INPPL1: variants seen among roughly 807,000 people sequenced by gnomAD.
The protein encoded by INPPL1 is phosphatidylinositol 3,4,5-trisphosphate 5-phosphatase 2.
A neutral mutation model predicts 139.3 loss-of-function variants in INPPL1; 91 were observed. The observed-to-expected ratio is 0.65, with a 90% confidence interval of 0.55 to 0.78. The LOEUF (loss-of-function observed/expected upper bound fraction) is 0.78, where lower values mean the gene tolerates loss of function less well. Among genes scored for constraint, INPPL1 ranks in the 30% least tolerant of loss-of-function variants. The pLI is 0.00. For missense variants in INPPL1, 1,411 were observed against 1,665.6 expected (o/e 0.85, Z 2.66); for synonymous variants, 719 against 686.6 (o/e 1.05, Z -0.74).
At chr11:72,227,234 C>T (rs1402294879) in intron 1 of INPPL1, among the ~76,000 whole-genome samples, 1 of 152,164 alleles carries the variant, frequency 6.6e-6, no homozygotes, top group East Asian at 1.9e-4. Context: ...TACTCTGTGG[C>T]CTTAGGAAAA....
chr11:72,230,086 A>G (rs751996555), intron 8 of INPPL1, 35 bp from the exon 9 acceptor site: 1 of 1,612,246 alleles, frequency 6.2e-7, no homozygotes, highest in Admixed American at 1.7e-5. Flanking sequence ...GCCTACTCCA[A>G]GGTCTTGTCA....
At chr11:72,226,043 ATTTAG>A (rs1269392728) in intron 1 of INPPL1, among the ~76,000 whole-genome samples, 4 of 151,962 alleles carry the variant, frequency 2.6e-5, no homozygotes, top group African/African-American at 9.7e-5. Flanking sequence ...TAGATCAGTT[ATTTAG>A]ATCTTTATTT....
Position 72,237,474 on chromosome 11 carries a change from T to G in INPPL1, c.3230T>G (p.Val1077Gly), listed in dbSNP as rs752526753. The G allele has an allele frequency of 1.8e-5, 29 of 1,610,058 alleles. No homozygotes were observed. The highest frequency in any genetic ancestry group is 2.7e-5 in the African/African-American group (2 of 74,872). The change falls in exon 26 of 28, where the codon GTC becomes GGC. Residue 1077 changes from valine to glycine, a missense_variant. Physicochemically the swap from Val to Gly is moderately radical, Grantham distance 109. This residue lies in a region of INPPL1 where 438 missense variants were observed against 425.7 expected (regional missense o/e 1.03). Transcript: ENST00000298229. The part of the protein sequence containing the change: ...PSLDPLPGPV[V>G]RGRGGAEARG... ...CTGGATCCTTTACCAGGGCCAGTGGTCCGGGGCCGTGGTGGGGCTGAGGCC... is the reference window on the plus strand; with the variant it reads ...CTGGATCCTTTACCAGGGCCAGTGGGCCGGGGCCGTGGTGGGGCTGAGGCC...
chr11:72,230,283 C>T lies in INPPL1; in HGVS notation c.1090+12C>T. ...CACGCACGACCGCAGTGAGCCAGGG[C>T]CAGACCTGGGAGGGGTGGGCAGGGC... On this transcript the variant is annotated intron_variant, in intron 9 of 27. Coordinates refer to ENST00000298229, the MANE Select transcript of INPPL1 (RefSeq NM_001567.4). The T allele has an allele frequency of 6.2e-7, 1 of 1,609,018 alleles. No homozygotes were observed.
In INPPL1 at chr11:72,229,245, C is replaced by T. The variant is rs1209310786; in HGVS notation, c.659+15C>T. 3.1e-6 allele frequency: 5 copies of T among 1,597,052 alleles called. No individual in the cohort carries two copies. The highest frequency in any genetic ancestry group is 2.2e-5 in the South Asian group (2 of 88,948). ...AGGCTGCACAGGTATCTGGGACATC[C>T]AGCCCCATGTATTACACCCTTACCT... On this transcript the variant is annotated intron_variant, in intron 5 of 27. Transcript: ENST00000298229.
intron 13 of INPPL1, 95 bp downstream of exon 13, chr11:72,231,710 T>C: frequency 1.1e-6 from 1 of 880,634 alleles, no homozygotes; most frequent in Non-Finnish European, 1.9e-6. Context: ...TTTTTGGTGA[T>C]CTTAGTTTCC....
chr11:72,230,117 A>G lies in INPPL1; in HGVS notation c.940-4A>G, dbSNP rs749845241. 6.2e-7 allele frequency: 1 copy of G among 1,610,798 alleles called. No homozygotes were observed. Among genetic ancestry groups the G allele is most frequent in the South Asian group, 1.1e-5 (1 of 90,898 alleles). ...TGTCAGCAGCCTCCCCACCTGGCCT[A>G]CAGGTGAAGCTAGATGTGACCCTGG... is the stretch of plus-strand genomic sequence containing the variant. On this transcript the variant is annotated splice_polypyrimidine_tract_variant and splice_region_variant and intron_variant, in intron 8 of 27. Coordinates refer to ENST00000298229, the MANE Select transcript of INPPL1 (RefSeq NM_001567.4).
rs751974130 is a variant in INPPL1 at position 72,237,724 on chromosome 11, G to C, written c.3480G>C (p.Ser1160=). ...TGCAGCCCCCCCGGGGACTGCCCTC[G>C]GACTATGGCCGGCCCCTCAGCTTCC... ...LELQPPRGLP[S]DYGRPLSFPP... is the part of the protein sequence containing the mutation. Residue 1160 remains serine (S), a synonymous_variant, in exon 26 of 28, where the codon TCG becomes TCC. Coordinates refer to ENST00000298229, the MANE Select transcript of INPPL1 (RefSeq NM_001567.4). The C allele has an allele frequency of 3.1e-6, 5 of 1,611,660 alleles. No individual in the cohort carries two copies. The highest frequency in any genetic ancestry group is 1.7e-5 in the Admixed American group (1 of 59,860).
intron 1 of INPPL1, 130 bp downstream of exon 1, chr11:72,225,296 G>C: frequency 6.5e-6 from 8 of 1,221,942 alleles, no homozygotes; most frequent in Non-Finnish European, 8.1e-6. Flanking sequence ...CCCCAGAGTG[G>C]GAGCCTTGGC....
intron 1 of INPPL1, chr11:72,225,615 C>T: frequency 1.3e-6 from 1 of 790,866 alleles, no homozygotes; most frequent in African/African-American, 1.9e-5. Context: ...CTTAGGGCCC[C>T]TTTCGGTGCT....
chr11:72,228,621 G>T lies in INPPL1; in HGVS notation c.398-106G>T. 6.5e-7 allele frequency: 1 copy of T among 1,541,104 alleles called. No individual in the cohort carries two copies. Among genetic ancestry groups the T allele is most frequent in the Non-Finnish European group, 8.8e-7 (1 of 1,137,732 alleles). On this transcript the variant is annotated intron_variant, in intron 3 of 27. Coordinates refer to ENST00000298229, the MANE Select transcript of INPPL1 (RefSeq NM_001567.4). The surrounding 1 kb of genome is among the most constrained non-coding windows in gnomAD (Gnocchi z 5.0). ...CCTTTCCCTTGGCCATGATGCCGGGGCCCTTTAACCCTCTTTCCATGGAAG... is the reference window on the plus strand; with the variant it reads ...CCTTTCCCTTGGCCATGATGCCGGGTCCCTTTAACCCTCTTTCCATGGAAG...
chr11:72,232,500 G>T (rs1948862811), intron 14 of INPPL1, 126 bp from the exon 15 acceptor site: 4 of 1,321,870 alleles, frequency 3.0e-6, no homozygotes. Flanking sequence ...CCCTAACCTT[G>T]TCCCCAGGGG....
chr11:72,230,218 T>C lies in INPPL1; in HGVS notation c.1037T>C (p.Leu346Pro). Residue 346 changes from leucine (L) to proline (P), a missense_variant, in exon 9 of 28, where the codon CTG becomes CCG. By Grantham distance (98) the Leu-to-Pro change is moderately conservative. Around this residue, in one of 5 missense-constraint regions of INPPL1, gnomAD observed 504 missense variants for 595.6 expected, o/e 0.85. Transcript: ENST00000298229. Reference sequence around the variant, plus strand: ...GTGGAGGGTGGGCGGCTGGTGCTGCTGCGGAGACAGCGGGACTCCCAGGAG... The same window carrying C: ...GTGGAGGGTGGGCGGCTGGTGCTGCCGCGGAGACAGCGGGACTCCCAGGAG... ...VDVEGGRLVL[L>P]RRQRDSQEDW... is the part of the protein sequence containing the mutation. The C allele has an allele frequency of 6.2e-7, 1 of 1,611,774 alleles. No individual in the cohort carries two copies. The highest frequency in any genetic ancestry group is 8.5e-7 in the Non-Finnish European group (1 of 1,178,548).
chr11:72,235,965 G>T lies in INPPL1; in HGVS notation c.2858G>T (p.Arg953Leu), dbSNP rs746877267. 1 of 1,593,304 alleles carries T rather than the reference G, an allele frequency of 6.3e-7. No individual in the cohort carries two copies. The highest frequency in any genetic ancestry group is 8.5e-7 in the Non-Finnish European group (1 of 1,171,804). Reference protein sequence around the residue: ...RPPAPPRAAPREEPLTPRLKP... With the variant: ...RPPAPPRAAPLEEPLTPRLKP... ...CCAGCCCCACCCCGAGCAGCTCCCC[G>T]GGAGGAGCCCTTGACCCCCAGGTGA... is the stretch of plus-strand genomic sequence containing the variant. The change falls in exon 25 of 28, where the codon CGG becomes CTG. Residue 953 changes from arginine to leucine, a missense_variant. By Grantham distance (102) the Arg-to-Leu change is moderately radical (BLOSUM62 -2). Around this residue, in one of 5 missense-constraint regions of INPPL1, gnomAD observed 438 missense variants for 425.7 expected, o/e 1.03. Coordinates refer to ENST00000298229, the MANE Select transcript of INPPL1 (RefSeq NM_001567.4). The surrounding 1 kb of genome is among the most constrained non-coding windows in gnomAD (Gnocchi z 4.9).
At position 72,238,063 on chromosome 11, in the gene INPPL1, C is replaced by A. The variant is rs569502858; in HGVS notation, c.3574C>A (p.Arg1192=). Residue 1192 remains arginine (R), a synonymous_variant, in exon 27 of 28, where the codon CGG becomes AGG. Transcript: ENST00000298229. ...AEEAPCLQGG[R]ASGLGEAGMS... is the part of the protein sequence containing the mutation. Reference sequence around the variant, plus strand: ...TTAGGCTCCGTGCCTGCAGGGCGGGCGGGCCAGCGGGCTGGGCGAGGCAGG... The same window carrying A: ...TTAGGCTCCGTGCCTGCAGGGCGGGAGGGCCAGCGGGCTGGGCGAGGCAGG... 6.4e-7 allele frequency: 1 copy of A among 1,562,118 alleles called. No individual in the cohort carries two copies. Among genetic ancestry groups the A allele is most frequent in the South Asian group, 1.2e-5 (1 of 82,644 alleles).
rs781340193 is a variant in INPPL1, at chr11:72,238,158, C to A, written c.3669C>A (p.Asp1223Glu). 6 of 1,595,816 alleles carry A rather than the reference C, an allele frequency of 3.8e-6. No individual in the cohort carries two copies. Among genetic ancestry groups the A allele is most frequent in the Non-Finnish European group, 5.1e-6 (6 of 1,171,296 alleles). Residue 1223 changes from aspartate to glutamate, a missense_variant, in exon 27 of 28, where the codon GAC becomes GAA. Transcript: ENST00000298229. ...AGGGCCTGGTGCATAATGGCTGGGACGACCTGGAGTTTCTCAGGTGGGGGA... is the reference window on the plus strand; with the variant it reads ...AGGGCCTGGTGCATAATGGCTGGGAAGACCTGGAGTTTCTCAGGTGGGGGA... ...YEEGLVHNGW[D>E]DLEFLSDITE...
rs763945939 is a variant in INPPL1 at position 72,230,365 on chromosome 11, G to A, written c.1094G>A (p.Arg365His). 9.9e-6 allele frequency: 16 copies of A among 1,613,920 alleles called. No homozygotes were observed. Among genetic ancestry groups the A allele is most frequent in the Admixed American group, 6.7e-5 (4 of 60,008 alleles). ...DWTTFTHDRI[R>H]QLIKSQRVQN... Reference sequence around the variant, plus strand: ...TGACCGGTCCTCCATGCCCTAGTCCGCCAGCTCATTAAGTCCCAGCGTGTC... The same window carrying A: ...TGACCGGTCCTCCATGCCCTAGTCCACCAGCTCATTAAGTCCCAGCGTGTC... Residue 365 changes from arginine (R) to histidine (H), a missense_variant, in exon 10 of 28, where the codon CGC (arginine) becomes CAC (histidine). This residue lies in a region of INPPL1 where 504 missense variants were observed against 595.6 expected (regional missense o/e 0.85). Transcript: ENST00000298229.
Position 72,233,391 on chromosome 11 carries a change from A to G in INPPL1, c.2041-50A>G, listed in dbSNP as rs1270798524. 7 of 1,537,184 alleles carry G rather than the reference A, an allele frequency of 4.6e-6. No homozygotes were observed. The Admixed American group carries it at 6.7e-5, about 15-fold the overall frequency. Reference sequence around the variant, plus strand: ...CAGCTCTGGAGTGGGGTCCATGCCAAGCAGCCTCCTAGCTGTCAGCTCTAA... The same window carrying G: ...CAGCTCTGGAGTGGGGTCCATGCCAGGCAGCCTCCTAGCTGTCAGCTCTAA... On this transcript the variant is annotated intron_variant, in intron 17 of 27. Coordinates refer to ENST00000298229, the MANE Select transcript of INPPL1 (RefSeq NM_001567.4).
Position 72,228,333 on chromosome 11 carries a change from C to G in INPPL1, c.247-15C>G, listed in dbSNP as rs780526227. On this transcript the variant is annotated splice_polypyrimidine_tract_variant and intron_variant, in intron 2 of 27. Coordinates refer to ENST00000298229, the MANE Select transcript of INPPL1 (RefSeq NM_001567.4). The surrounding 1 kb of genome is among the most constrained non-coding windows in gnomAD (Gnocchi z 5.0). ...CTGCTGGCTGACCCTTCCTCCCACC[C>G]TTGCTGGCCCACAGACCTCGCAGGG... 2.5e-5 allele frequency: 41 copies of G among 1,613,812 alleles called. No homozygotes were observed. Among genetic ancestry groups the G allele is most frequent in the Non-Finnish European group, 3.5e-5 (41 of 1,179,954 alleles).
Sources: gnomAD v4.1 joint callset for allele counts (sites outside exome capture counted in the v4.1 genomes callset) on GRCh38, gnomAD v4.1.1 for gene constraint, gnomAD v4.1.1 regional missense constraint, Gnocchi (gnomAD v3.1) non-coding constraint, MANE v1.5 for transcripts, NCBI Gene and HGNC (gene_info 2026-07-23, HGNC 2026-07-21) for gene names.